DCP2: variants seen among roughly 807,000 people sequenced by gnomAD.
The protein encoded by DCP2 is m7GpppN-mRNA hydrolase.
Under a neutral mutation model 56.1 loss-of-function variants are expected in DCP2, and 30 were observed. The ratio of observed to expected loss-of-function variants is 0.53; its 90% CI spans 0.40 to 0.73. The LOEUF (loss-of-function observed/expected upper bound fraction) is 0.73. Among genes scored for constraint, DCP2 ranks in the 30% least tolerant of loss-of-function variants. DCP2 has a pLI of 0.00. For synonymous variants in DCP2, 197 were observed against 163.3 expected (o/e 1.21, Z -1.57); for missense variants, 533 against 502.7 (o/e 1.06, Z -0.58).
At chr5:112,977,802 C>T (rs1437771850) in intron 1 of DCP2, among the ~76,000 whole-genome samples, 6 of 152,046 alleles carry the variant, frequency 3.9e-5, no homozygotes, top group Non-Finnish European at 8.8e-5. Context: ...GGAGTTGTCG[C>T]CAAGTGTGTG....
intron 2 of DCP2, among the ~76,000 whole-genome samples, chr5:112,991,786 G>A (rs1049840256): frequency 6.6e-6 from 1 of 152,138 alleles, no homozygotes; most frequent in Admixed American, 6.5e-5. Context: ...AATGTTCTAG[G>A]TGTTTACATG....
In DCP2 at chr5:113,014,556, T is replaced by A. The variant is rs962166001; in HGVS notation, c.*1072T>A. The A allele has an allele frequency of 6.6e-6, 1 of 152,660 alleles. No individual in the cohort carries two copies. Among genetic ancestry groups the A allele is most frequent in the Non-Finnish European group, 1.5e-5 (1 of 68,040 alleles). The allele number at this position is 152,660 out of a possible 1,614,324, so 9.5% of individuals were successfully genotyped here. A position where few individuals can be genotyped will look rare whatever the true frequency, so the allele number is the denominator to read the frequency against. ...TTACACGTTATGTATATGTGTTACA[T>A]AACAGTAACATACATAACTCACTCC... On this transcript the variant is annotated 3_prime_UTR_variant, in exon 11 of 11. Transcript: ENST00000389063.
chr5:113,017,813 T>C lies in DCP2; in HGVS notation c.*4329T>C, dbSNP rs958181494. The C allele has an allele frequency of 9.9e-5, 15 of 152,208 alleles. No homozygotes were observed. Among genetic ancestry groups the C allele is most frequent in the African/African-American group, 3.6e-4 (15 of 41,466 alleles). The allele number at this position is 152,208 out of a possible 1,614,324, so 9.4% of individuals were successfully genotyped here. ...TGCATGGCCTAAGTGTAGTCATTCA[T>C]ATATATATGAATATCTATATCTATA... On this transcript the variant is annotated 3_prime_UTR_variant, in exon 11 of 11. Transcript: ENST00000389063.
intron 2 of DCP2, among the ~76,000 whole-genome samples, chr5:112,986,456 TC>T (rs2150171312): frequency 6.6e-6 from 1 of 152,046 alleles, no homozygotes; most frequent in Admixed American, 6.5e-5. Context: ...CTCCCTAGCC[TC>T]TCGAGTGGCT....
At position 113,015,763 on chromosome 5, in the gene DCP2, A is replaced by G. The variant is rs1317675492; in HGVS notation, c.*2279A>G. ...GGATGTACTTGTTTTAGGTACATCT[A>G]CTATACTTATTCTCTCAAACCTGGG... On this transcript the variant is annotated 3_prime_UTR_variant, in exon 11 of 11. Coordinates refer to ENST00000389063, the MANE Select transcript of DCP2 (RefSeq NM_152624.6). The G allele has an allele frequency of 2.0e-5, 3 of 152,670 alleles. No individual in the cohort carries two copies. The highest frequency in any genetic ancestry group is 3.8e-4 in the East Asian group (2 of 5,200). 9.5% of individuals were successfully genotyped at this position (152,670 alleles called of 1,614,324 possible). A position where few individuals can be genotyped will look rare whatever the true frequency, so the allele number is the denominator to read the frequency against.
rs934804584 is a variant in DCP2, at chr5:113,018,556, C to T, written c.*5072C>T. 9.2e-5 allele frequency: 14 copies of T among 152,292 alleles called. No individual in the cohort carries two copies. The highest frequency in any genetic ancestry group is 3.4e-3 in the Middle Eastern group (1 of 292). The allele number at this position is 152,292 out of a possible 1,614,324, so 9.4% of individuals were successfully genotyped here. ...TGTTTGTAATCTTGTCCCACATGGA[C>T]CCTAACCTTTAGTAGACTTCAGTCT... On this transcript the variant is annotated 3_prime_UTR_variant, in exon 11 of 11. Coordinates refer to ENST00000389063, the MANE Select transcript of DCP2 (RefSeq NM_152624.6).
intron 1 of DCP2, among the ~76,000 whole-genome samples, chr5:112,982,834 T>C (rs959220564): frequency 6.6e-6 from 1 of 152,248 alleles, no homozygotes; most frequent in African/African-American, 2.4e-5. Flanking sequence ...AAAAACTTTC[T>C]TGTCATGCTT....
chr5:112,994,115 A>G (rs2150177936), intron 4 of DCP2, among the ~76,000 whole-genome samples: 1 of 149,472 alleles, frequency 6.7e-6, no homozygotes, highest in East Asian at 2.0e-4. Context: ...GTTTCTTAAA[A>G]TGAAGTTTAG....
intron 1 of DCP2, among the ~76,000 whole-genome samples, chr5:112,982,252 C>T (rs1285148197): frequency 2.6e-5 from 4 of 152,168 alleles, no homozygotes; most frequent in Admixed American, 2.6e-4. Context: ...ATCTTATCCT[C>T]AATCATACTT....
intron 10 of DCP2, among the ~76,000 whole-genome samples, chr5:113,012,548 G>T (rs1188384347): frequency 2.0e-5 from 3 of 152,094 alleles, no homozygotes; most frequent in South Asian, 4.1e-4. Flanking sequence ...TCAAGTCCCT[G>T]ATCTGTTTAA....
At chr5:113,000,945 T>C in intron 4 of DCP2, 139 bp from the exon 5 acceptor site, 1 of 881,756 alleles carries the variant, frequency 1.1e-6, no homozygotes. Flanking sequence ...TATGCATTTC[T>C]GTACCAGCCT....
rs899571579 is a variant in DCP2, at chr5:113,022,007, T to A, written c.*8523T>A. 6.6e-6 allele frequency: 1 copy of A among 152,240 alleles called. No individual in the cohort carries two copies. Among genetic ancestry groups the A allele is most frequent in the Non-Finnish European group, 1.5e-5 (1 of 68,042 alleles). The allele number at this position is 152,240 out of a possible 1,614,324, so 9.4% of individuals were successfully genotyped here. A position where few individuals can be genotyped will look rare whatever the true frequency, so the allele number is the denominator to read the frequency against. On this transcript the variant is annotated 3_prime_UTR_variant, in exon 11 of 11. Coordinates refer to ENST00000389063, the MANE Select transcript of DCP2 (RefSeq NM_152624.6). ...CCCTGCTTTGACTAGGGCTCTTGAT[T>A]TCATGTAAGCATCATGGATTTGATA... is the stretch of plus-strand genomic sequence containing the variant.
At chr5:113,010,841 C>G (rs200950345) in intron 10 of DCP2, 34 bp downstream of exon 10, 2 of 1,577,580 alleles carry the variant, frequency 1.3e-6, no homozygotes, top group Non-Finnish European at 1.7e-6. Flanking sequence ...TAATCTCTGC[C>G]TTGTGGGATT....
chr5:112,978,782 T>C (rs1580786864), intron 1 of DCP2, among the ~76,000 whole-genome samples: 1 of 152,222 alleles, frequency 6.6e-6, no homozygotes, highest in African/African-American at 2.4e-5. Flanking sequence ...GATTGTGATC[T>C]TTATTTTTTG....
chr5:113,010,805 C>T lies in DCP2; in HGVS notation c.1097C>T (p.Thr366Ile), dbSNP rs1301961363. The T allele has an allele frequency of 1.3e-6, 2 of 1,592,580 alleles. No homozygotes were observed. Among genetic ancestry groups the T allele is most frequent in the Admixed American group, 1.8e-5 (1 of 56,128 alleles). The change falls in exon 10 of 11, where the codon ACA becomes ATA. Residue 366 changes from threonine (T) to isoleucine (I), a missense_variant and splice_region_variant. Coordinates refer to ENST00000389063, the MANE Select transcript of DCP2 (RefSeq NM_152624.6). ...HPRKLQDNFE[T>I]DAVYDLPSSS... ...CGGAAACTTCAGGATAATTTTGAAA[C>T]AGGCAAGTCATTTCCTATCTTTTTA...
At chr5:112,984,703 A>AAAAATATAT in intron 1 of DCP2, 5 of 64,854 alleles carry the variant, frequency 7.7e-5, no homozygotes, top group African/African-American at 3.2e-4. Context: ...AAAAAAAAAA[A>AAAAATATAT]ATATATATAT....
chr5:113,012,700 A>G (rs1038256489), intron 10 of DCP2, among the ~76,000 whole-genome samples: 5 of 152,026 alleles, frequency 3.3e-5, no homozygotes, highest in African/African-American at 1.2e-4. Context: ...CTGGAGTGCA[A>G]CAGCACGATC....
intron 9 of DCP2, among the ~76,000 whole-genome samples, chr5:113,009,800 C>G (rs773971151): frequency 2.6e-5 from 4 of 152,032 alleles, no homozygotes; most frequent in Admixed American, 2.0e-4. Context: ...TGATATAATT[C>G]CATTTAAAGT....
intron 1 of DCP2, among the ~76,000 whole-genome samples, chr5:112,980,331 T>C (rs904514696): frequency 6.6e-6 from 1 of 152,250 alleles, no homozygotes; most frequent in Non-Finnish European, 1.5e-5. Flanking sequence ...CAACTAGTGT[T>C]GCTGCTATTT....
Sources: gnomAD v4.1 joint callset for allele counts (sites outside exome capture counted in the v4.1 genomes callset) on GRCh38, gnomAD v4.1.1 for gene constraint, MANE v1.5 for transcripts, NCBI Gene and HGNC (gene_info 2026-07-23, HGNC 2026-07-21) for gene names.